LMO7: variants seen among roughly 807,000 people sequenced by gnomAD.
LMO7 encodes the protein LIM domain only protein 7.
Under a neutral mutation model 206.5 loss-of-function variants are expected in LMO7, and 120 were observed. The observed-to-expected ratio is 0.58, with a 90% CI of 0.50 to 0.68. The LOEUF (loss-of-function observed/expected upper bound fraction) is 0.68. Among genes scored for constraint, LMO7 ranks in the 30% least tolerant of loss-of-function variants. The probability of loss-of-function intolerance (pLI) is 0.00; values close to 1 mark genes in which losing one functional copy is unlikely to be tolerated. For missense variants in LMO7, 1,959 were observed against 1,957.9 expected, an observed-to-expected ratio of 1.00 and a Z score of -0.01; for synonymous variants, 706 against 681.5, an observed-to-expected ratio of 1.04 and a Z score of -0.56.
At chr13:75,703,739 T>TGTGTGTGTGTGTGTGTGTGTGTGTGCGC (rs57290262) in intron 1 of LMO7, among the ~76,000 whole-genome samples, 1 of 151,674 alleles carries the variant, frequency 6.6e-6, no homozygotes, top group African/African-American at 2.4e-5. Flanking sequence ...TGTGTGTGTG[T>TGTGTGTGTGTGTGTGTGTGTGTGTGCGC]GCACTGTGAG....
intron 1 of LMO7, among the ~76,000 whole-genome samples, chr13:75,622,517 G>A (rs2033447694): frequency 6.6e-6 from 1 of 152,158 alleles, no homozygotes; most frequent in African/African-American, 2.4e-5. Context: ...TTGTCTGTAA[G>A]TACTACCTTC....
chr13:75,668,562 A>G (rs144544896), intron 1 of LMO7, among the ~76,000 whole-genome samples: 2 of 152,328 alleles, frequency 1.3e-5, no homozygotes, highest in African/African-American at 4.8e-5. Context: ...TCTTCAGGCA[A>G]TACAAACTAG....
chr13:75,779,274 G>A (rs1205467431), intron 4 of LMO7, among the ~76,000 whole-genome samples: 1 of 152,148 alleles, frequency 6.6e-6, no homozygotes, highest in African/African-American at 2.4e-5. Context: ...GGACACAGCT[G>A]AGAAGTTTCC....
intron 1 of LMO7, among the ~76,000 whole-genome samples, chr13:75,678,849 ATTTC>A (rs1442093455): frequency 6.6e-6 from 1 of 152,188 alleles, no homozygotes; most frequent in Non-Finnish European, 1.5e-5. Context: ...TCTGAATTTA[ATTTC>A]TTTCTTGTCT....
intron 2 of LMO7, among the ~76,000 whole-genome samples, chr13:75,722,339 TCAAA>T (rs1431392170): frequency 1.3e-5 from 2 of 151,926 alleles, no homozygotes; most frequent in South Asian, 2.1e-4. Context: ...TACAGGGAAC[TCAAA>T]CAAATCAAGA....
At chr13:75,690,131 T>C (rs887352998) in intron 1 of LMO7, among the ~76,000 whole-genome samples, 2 of 151,964 alleles carry the variant, frequency 1.3e-5, no homozygotes, top group African/African-American at 4.8e-5. Flanking sequence ...ATGGGGGTCT[T>C]ACTATGTTGT....
At chr13:75,677,568 G>A (rs1228906020) in intron 1 of LMO7, among the ~76,000 whole-genome samples, 2 of 151,362 alleles carry the variant, frequency 1.3e-5, no homozygotes, top group African/African-American at 4.9e-5. Flanking sequence ...TCCTAAATTG[G>A]AAATGAGTGA....
At chr13:75,747,604 C>G (rs1245834136) in intron 3 of LMO7, among the ~76,000 whole-genome samples, 1 of 152,172 alleles carries the variant, frequency 6.6e-6, no homozygotes, top group Non-Finnish European at 1.5e-5. Context: ...TTAGCCACAC[C>G]TGGAGTCCAG....
intron 29 of LMO7, among the ~76,000 whole-genome samples, chr13:75,855,893 GT>G (rs1489114509): frequency 6.6e-6 from 1 of 152,218 alleles, no homozygotes; most frequent in Non-Finnish European, 1.5e-5. Flanking sequence ...AGACATATCT[GT>G]TTGATTCTTG....
intron 6 of LMO7, among the ~76,000 whole-genome samples, chr13:75,799,237 G>A (rs778668321): frequency 6.6e-6 from 1 of 152,162 alleles, no homozygotes; most frequent in Non-Finnish European, 1.5e-5. Flanking sequence ...GCCTGAGACA[G>A]CTGCTAATTA....
At chr13:75,821,752 G>A in intron 14 of LMO7, 143 bp downstream of exon 14, 1 of 587,194 alleles carries the variant, frequency 1.7e-6, no homozygotes, top group Non-Finnish European at 3.0e-6. Flanking sequence ...CAGTTTAGAT[G>A]CAATGGAAAC....
intron 1 of LMO7, among the ~76,000 whole-genome samples, chr13:75,666,152 G>A (rs997787466): frequency 7.2e-5 from 11 of 152,156 alleles, no homozygotes; most frequent in Admixed American, 5.2e-4. Context: ...GACCATGCAT[G>A]TAACAGCAAA....
intron 15 of LMO7, among the ~76,000 whole-genome samples, chr13:75,831,165 C>T (rs12871921): frequency 0.037 from 5,627 of 152,148 alleles, 131 homozygotes; most frequent in Non-Finnish European, 0.052. Context: ...TGATTATTAA[C>T]GAGTGTTATG....
chr13:75,760,248 C>T (rs749171043), intron 3 of LMO7: 68 of 538,714 alleles, frequency 1.3e-4, no homozygotes, highest in Non-Finnish European at 1.5e-4. Context: ...TGAGGGCAAC[C>T]TTGGAGGGAG....
chr13:75,631,444 G>C (rs2034934297), upstream of LMO7: 1 of 152,208 alleles, frequency 6.6e-6, no homozygotes, highest in East Asian at 1.9e-4. Flanking sequence ...TGTCATGCTT[G>C]ATGCCATCAC....
chr13:75,680,214 C>A (rs1248229357), intron 1 of LMO7, among the ~76,000 whole-genome samples: 1 of 152,182 alleles, frequency 6.6e-6, no homozygotes, highest in African/African-American at 2.4e-5. Context: ...CATGTCCCTG[C>A]AAAGGGCATG....
rs139423451 is a variant in LMO7 at position 75,767,472 on chromosome 13, C to T, written c.317+6434C>T. Among the ~76,000 whole-genome samples, 358 of 152,070 alleles carry T rather than the reference C, an allele frequency of 2.4e-3. 2 individuals carry two copies. In the Middle Eastern group the frequency reaches 0.031, roughly 13 times the overall value. ...ATCAATATTACTTTAAGAAATTTTA[C>T]GAACAAGTTTACAGTAAGCCTCACT... On this transcript the variant is annotated intron_variant, in intron 4 of 30. Transcript: ENST00000377534.
intron 6 of LMO7, among the ~76,000 whole-genome samples, chr13:75,799,391 TATCC>T (rs1212974185): frequency 2.6e-5 from 4 of 152,224 alleles, no homozygotes; most frequent in African/African-American, 4.8e-5. Flanking sequence ...CATATGTGTT[TATCC>T]ATCCATCTAT....
intron 3 of LMO7, among the ~76,000 whole-genome samples, chr13:75,728,435 T>C (rs564475977): frequency 2.2e-4 from 33 of 151,654 alleles, no homozygotes; most frequent in Admixed American, 3.9e-4. Flanking sequence ...TTGAGAAGTG[T>C]CTGTCCATGT....
Sources: gnomAD v4.1 joint callset for allele counts (sites outside exome capture counted in the v4.1 genomes callset) on GRCh38, gnomAD v4.1.1 for gene constraint, MANE v1.5 for transcripts, NCBI Gene and HGNC (gene_info 2026-07-23, HGNC 2026-07-21) for gene names.